Variants in SORCS3 observed in about 807,000 individuals in gnomAD.
SORCS3 encodes sortilin related VPS10 domain containing receptor 3.
A neutral mutation model predicts 146.3 loss-of-function variants in SORCS3; 57 were observed. The ratio of observed to expected loss-of-function variants is 0.39; its 90% confidence interval spans 0.31 to 0.49. The LOEUF (loss-of-function observed/expected upper bound fraction) is 0.49, where lower values mean the gene tolerates loss of function less well. Ranked by LOEUF, SORCS3 falls within the 20% of genes least tolerant of loss-of-function variation. SORCS3 has a pLI of 0.92. For synonymous variants in SORCS3, 653 were observed against 618.5 expected (o/e 1.06, Z -0.83); for missense variants, 1,341 against 1,575.5 (o/e 0.85, Z 2.52).
intron 2 of SORCS3, among the ~76,000 whole-genome samples, chr10:104,892,848 C>T (rs1051836081): frequency 6.6e-6 from 1 of 152,158 alleles, no homozygotes; most frequent in Non-Finnish European, 1.5e-5. Context: ...AGTGTGTTCT[C>T]ATTGCGTGCC....
At chr10:104,709,937 C>T (rs529064143) in intron 1 of SORCS3, among the ~76,000 whole-genome samples, 1 of 150,542 alleles carries the variant, frequency 6.6e-6, no homozygotes, top group Non-Finnish European at 1.5e-5. Context: ...TTAACCTTTG[C>T]TGAATTTTCC....
chr10:104,947,747 C>A (rs1341814326), intron 3 of SORCS3, among the ~76,000 whole-genome samples: 1 of 152,096 alleles, frequency 6.6e-6, no homozygotes, highest in South Asian at 2.1e-4. Context: ...CTCAGCCTCC[C>A]GAGTAGCTGG....
At chr10:104,969,546 A>G (rs970595948) in intron 3 of SORCS3, among the ~76,000 whole-genome samples, 3 of 152,120 alleles carry the variant, frequency 2.0e-5, no homozygotes, top group Non-Finnish European at 4.4e-5. Context: ...GTCAGTATCT[A>G]TCTCCCTTCC....
chr10:104,782,924 A>G (rs563444680), intron 1 of SORCS3, among the ~76,000 whole-genome samples: 14 of 152,264 alleles, frequency 9.2e-5, no homozygotes, highest in African/African-American at 3.1e-4. Context: ...AATTATTATG[A>G]TTTTGTGTTT....
chr10:105,015,927 G>T (rs890075645), intron 4 of SORCS3, among the ~76,000 whole-genome samples: 1 of 150,366 alleles, frequency 6.7e-6, no homozygotes, highest in Non-Finnish European at 1.5e-5. Flanking sequence ...ATGGGGTTTC[G>T]CCATGTTGGT....
At chr10:105,021,540 C>A (rs1232554019) in intron 4 of SORCS3, among the ~76,000 whole-genome samples, 2 of 152,182 alleles carry the variant, frequency 1.3e-5, no homozygotes, top group Non-Finnish European at 2.9e-5. Flanking sequence ...GCGCTCTTTT[C>A]CTCTACCTGA....
At chr10:105,085,860 G>T (rs2055656793) in intron 5 of SORCS3, among the ~76,000 whole-genome samples, 1 of 152,112 alleles carries the variant, frequency 6.6e-6, no homozygotes, top group Non-Finnish European at 1.5e-5. Context: ...GTGTGAAGCT[G>T]CACACATGTG....
intron 1 of SORCS3, among the ~76,000 whole-genome samples, chr10:104,842,192 A>T (rs1462948914): frequency 1.3e-4 from 20 of 152,200 alleles, no homozygotes; most frequent in Non-Finnish European, 7.3e-5. Context: ...GGGTTCAATG[A>T]TCTGCTTACT....
chr10:105,111,660 A>G (rs1385228796), intron 7 of SORCS3, among the ~76,000 whole-genome samples: 1 of 152,222 alleles, frequency 6.6e-6, no homozygotes, highest in African/African-American at 2.4e-5. Context: ...TCCTTTTTAT[A>G]TTCATTCATT....
intron 4 of SORCS3, among the ~76,000 whole-genome samples, chr10:104,996,957 G>A (rs73334042): frequency 0.053 from 8,123 of 152,238 alleles, 248 homozygotes; most frequent in Middle Eastern, 0.082. Flanking sequence ...ATGTTGAGAA[G>A]AGTGGCATTT....
In SORCS3 at chr10:105,110,206, A is replaced by T. The variant is rs969670319; in HGVS notation, c.1212+4691A>T. ...TTTAACTTCTTTTCTGAGCTTTGCC[A>T]GTTTATATTGTGTCTCTTTCTCTCG... On this transcript the variant is annotated intron_variant, in intron 7 of 26. Transcript: ENST00000369701. Among the ~76,000 whole-genome samples the T allele has an allele frequency of 2.3e-3, 345 of 150,678 alleles. 1 individual carries two copies. Among genetic ancestry groups the T allele is most frequent in the African/African-American group, 7.9e-3 (323 of 41,004 alleles).
chr10:104,991,954 GA>G (rs770423067), intron 4 of SORCS3, among the ~76,000 whole-genome samples: 4 of 152,190 alleles, frequency 2.6e-5, no homozygotes, highest in Non-Finnish European at 4.4e-5. Context: ...GATTTGTGGG[GA>G]TGCATTTCAG....
Position 104,671,774 on chromosome 10 carries a change from C to T in SORCS3, c.627+29820C>T, listed in dbSNP as rs2015857357. Among the ~76,000 whole-genome samples the T allele has an allele frequency of 2.0e-5, 3 of 152,014 alleles. No individual in the cohort carries two copies. In the South Asian group the frequency reaches 6.2e-4, roughly 31 times the overall value. ...CGTTTCATTCTGTTAATGTGGTATA[C>T]TGGTCAATTTTCATAAGTTGAACCA... On this transcript the variant is annotated intron_variant, in intron 1 of 26. Transcript: ENST00000369701.
At chr10:105,025,573 A>C (rs563878478) in intron 4 of SORCS3, among the ~76,000 whole-genome samples, 1 of 151,980 alleles carries the variant, frequency 6.6e-6, no homozygotes, top group East Asian at 1.9e-4. Flanking sequence ...GTACACTGGG[A>C]TTTTTGAATC....
intron 1 of SORCS3, among the ~76,000 whole-genome samples, chr10:104,768,483 CG>C (rs1283317083): frequency 1.3e-5 from 2 of 151,926 alleles, no homozygotes; most frequent in African/African-American, 4.8e-5. Flanking sequence ...GTGGTTGAGA[CG>C]GGGCCAGGGA....
chr10:105,020,065 C>G (rs957693879), intron 4 of SORCS3, among the ~76,000 whole-genome samples: 1 of 152,126 alleles, frequency 6.6e-6, no homozygotes, highest in African/African-American at 2.4e-5. Flanking sequence ...TGCTTTATGG[C>G]TTTACTTAAA....
intron 3 of SORCS3, among the ~76,000 whole-genome samples, chr10:104,929,404 T>A (rs188554340): frequency 6.6e-6 from 1 of 152,332 alleles, no homozygotes; most frequent in East Asian, 1.9e-4. Flanking sequence ...GAATCTATAC[T>A]TCTTTATATC....
At chr10:104,976,610 A>C (rs1211794945) in intron 3 of SORCS3, among the ~76,000 whole-genome samples, 2 of 152,212 alleles carry the variant, frequency 1.3e-5, no homozygotes, top group African/African-American at 2.4e-5. Context: ...ACACATGCAC[A>C]CATATGTTTA....
In SORCS3 at chr10:105,088,619, G is replaced by A. The variant is rs17118301; in HGVS notation, c.1029-1156G>A. Among the ~76,000 whole-genome samples, 1,079 of 152,258 alleles carry A rather than the reference G, an allele frequency of 7.1e-3. 19 individuals carry two copies. Among genetic ancestry groups the A allele is most frequent in the African/African-American group, 0.025 (1,023 of 41,550 alleles). ...AAACAGAGTACCCTGGATGCCATCA[G>A]CCCCTGTTTCTTTTCTTCTGTGCCT... On this transcript the variant is annotated intron_variant, in intron 5 of 26. Coordinates refer to ENST00000369701, the MANE Select transcript of SORCS3 (RefSeq NM_014978.3).
Sources: allele counts gnomAD v4.1 joint callset (sites outside exome capture counted in the v4.1 genomes callset), GRCh38; gene constraint gnomAD v4.1.1; transcripts MANE v1.5; gene names NCBI Gene and HGNC (gene_info 2026-07-23, HGNC 2026-07-21).